The following CFAP410 variants were observed in gnomAD, a reference collection of about 807,000 sequenced individuals.
The protein encoded by CFAP410 is cilia and flagella associated protein 410, also known as cilia- and flagella-associated protein 410.
CFAP410 carries 27 observed loss-of-function variants against 25.7 expected under a neutral mutation model. The observed-to-expected ratio is 1.05, with a 90% CI of 0.77 to 1.45. The LOEUF (loss-of-function observed/expected upper bound fraction) is 1.45, where lower values mean the gene tolerates loss of function less well. Among genes scored for constraint, CFAP410 ranks in the 40% most tolerant of loss-of-function variants. CFAP410 has a pLI of 0.00. For synonymous variants in CFAP410, 178 were observed against 158.4 expected (o/e 1.12, Z -0.93); for missense variants, 428 against 354.1 (o/e 1.21, Z -1.67).
chr21:44,339,066 G>A, intron 1 of CFAP410, 52 bp downstream of exon 1: 1 of 1,091,490 alleles, frequency 9.2e-7, no homozygotes, highest in South Asian at 2.0e-5. Flanking sequence ...CCCTCGCCCC[G>A]CCCCGGCTCC....
intron 3 of CFAP410, chr21:44,333,638 A>G (rs1312694508): frequency 3.0e-6 from 1 of 336,350 alleles, no homozygotes; most frequent in East Asian, 5.8e-5. Flanking sequence ...GCGGCCAGAA[A>G]AACTCATGGC....
At position 44,330,018 on chromosome 21, in the gene CFAP410, C is replaced by G; in HGVS notation, c.*180G>C. 1 of 652,914 alleles carries G rather than the reference C, an allele frequency of 1.5e-6. No homozygotes were observed. The highest frequency in any genetic ancestry group is 1.8e-5 in the African/African-American group (1 of 55,074). 40.4% of individuals were successfully genotyped at this position (652,914 alleles called of 1,614,324 possible). ...GGACAGGACTGGTGTAGACAGGCAT[C>G]TCCACCGCCCCGGTTAGCCAGTACC... is the stretch of plus-strand genomic sequence containing the variant. On this transcript the variant is annotated 3_prime_UTR_variant, in exon 7 of 7. Transcript: ENST00000339818.
intron 5 of CFAP410, 144 bp downstream of exon 5, chr21:44,331,699 G>T: frequency 1.3e-6 from 1 of 745,488 alleles, no homozygotes; most frequent in Non-Finnish European, 2.1e-6. Context: ...CAGAGAATAT[G>T]GATGAGAACA....
At chr21:44,333,896 C>G in intron 3 of CFAP410, 1 of 357,574 alleles carries the variant, frequency 2.8e-6, no homozygotes, top group South Asian at 2.1e-5. Flanking sequence ...AGCCAGGGCC[C>G]CCTGCCTGGA....
intron 1 of CFAP410, 31 bp from the exon 2 acceptor site, chr21:44,337,698 T>C (rs1157841649): frequency 8.8e-6 from 14 of 1,595,580 alleles, no homozygotes; most frequent in Non-Finnish European, 1.2e-5. Flanking sequence ...TACTTTAATT[T>C]TGTTAAAGTT....
chr21:44,334,882 G>A (rs2047724114), intron 3 of CFAP410: 1 of 159,064 alleles, frequency 6.3e-6, no homozygotes, highest in African/African-American at 2.4e-5. Context: ...CAACCTCAGA[G>A]GGCATTACGG....
intron 1 of CFAP410, among the ~76,000 whole-genome samples, 142 bp downstream of exon 1, chr21:44,338,963 CCCGGCTCCTCCCT>C (rs1353378524): frequency 2.5e-5 from 2 of 80,330 alleles, no homozygotes; most frequent in African/African-American, 6.3e-5. Flanking sequence ...CTCTCCCCGC[CCCGGCTCCTCCCT>C]CCGGCTCCGC....
At chr21:44,335,293 C>T (rs186780161) in intron 3 of CFAP410, 120 of 170,288 alleles carry the variant, frequency 7.0e-4, no homozygotes, top group African/African-American at 2.6e-3. Flanking sequence ...CCCCAGAAGA[C>T]GGGCACAGGT....
intron 3 of CFAP410, chr21:44,335,465 G>T: frequency 2.0e-6 from 1 of 487,984 alleles, no homozygotes; most frequent in Non-Finnish European, 3.7e-6. Context: ...AGTGAACACA[G>T]CAATGGCTTA....
chr21:44,332,048 G>A (rs1286380535), intron 4 of CFAP410, 34 bp from the exon 5 acceptor site: 1 of 1,566,214 alleles, frequency 6.4e-7, no homozygotes, highest in South Asian at 1.2e-5. Flanking sequence ...AGCATGAGTG[G>A]CCTCACCCAC....
In CFAP410 at chr21:44,333,126, G is replaced by A; in HGVS notation, c.280C>T (p.Leu94=). The A allele has an allele frequency of 6.2e-7, 1 of 1,611,884 alleles. No homozygotes were observed. The highest frequency in any genetic ancestry group is 8.5e-7 in the Non-Finnish European group (1 of 1,179,610). Residue 94 remains leucine, a synonymous_variant, in exon 4 of 7, where the codon CTG becomes TTG. Coordinates refer to ENST00000339818, the MANE Select transcript of CFAP410 (RefSeq NM_004928.3). ...GTGCCGCAGCACGGGTTCTCGGCCAGCCACAGCACCCGCAGACGCGGCAGC... is the reference window on the plus strand; with the variant it reads ...GTGCCGCAGCACGGGTTCTCGGCCAACCACAGCACCCGCAGACGCGGCAGC... ...KGLPRLRVLW[L]AENPCCGTSP...
In CFAP410 at chr21:44,330,830, C is replaced by T. The variant is rs62000360; in HGVS notation, c.635G>A (p.Arg212Lys). 6,677 of 1,601,686 alleles carry T rather than the reference C, an allele frequency of 4.2e-3. 256 individuals carry two copies. In the African/African-American group the frequency reaches 0.076, roughly 18 times the overall value. Residue 212 changes from arginine (R) to lysine (K), a missense_variant, in exon 6 of 7, where the codon AGG becomes AAG. Coordinates refer to ENST00000339818, the MANE Select transcript of CFAP410 (RefSeq NM_004928.3). ...LSARDASSSH[R>K]GRNVLTAILL... ...TAGCGGCCCGCCACTCACCCTGCCC[C>T]TGTGGCTGCTCGAGGCATCCCTGGC...
rs780887106 is a variant in CFAP410 at position 44,333,105 on chromosome 21, C to T, written c.301G>A (p.Gly101Ser). ...VLWLAENPCC[G>S]TSPHRYRMTV... ...ATGCGGTAGCGGTGGGGGCTGGTGC[C>T]GCAGCACGGGTTCTCGGCCAGCCAC... Residue 101 changes from glycine (G) to serine (S), a missense_variant, in exon 4 of 7, where the codon GGC (glycine) becomes AGC (serine). Coordinates refer to ENST00000339818, the MANE Select transcript of CFAP410 (RefSeq NM_004928.3). The T allele has an allele frequency of 8.7e-6, 14 of 1,609,998 alleles. No homozygotes were observed. Among genetic ancestry groups the T allele is most frequent in the Admixed American group, 1.7e-5 (1 of 59,790 alleles).
intron 6 of CFAP410, 58 bp downstream of exon 6, chr21:44,330,765 C>G: frequency 6.4e-7 from 1 of 1,553,700 alleles, no homozygotes; most frequent in Non-Finnish European, 8.7e-7. Flanking sequence ...CCCACGGTTT[C>G]TGTGCAGTGG....
intron 3 of CFAP410, chr21:44,334,518 C>CCCCCCCTCAACCTCTGGGCGGGCCCGCG: frequency 7.9e-6 from 1 of 125,964 alleles, no homozygotes; most frequent in Non-Finnish European, 1.7e-5. Context: ...GGCACGCGCA[C>CCCCCCCTCAACCTCTGGGCGGGCCCGCG]CCCCCCCCCC....
At position 44,330,026 on chromosome 21, in the gene CFAP410, C is replaced by A; in HGVS notation, c.*172G>T. On this transcript the variant is annotated 3_prime_UTR_variant, in exon 7 of 7. Transcript: ENST00000339818. ...CTGGTGTAGACAGGCATCTCCACCG[C>A]CCCGGTTAGCCAGTACCTAACACCC... The A allele has an allele frequency of 1.5e-6, 1 of 683,368 alleles. No homozygotes were observed. The highest frequency in any genetic ancestry group is 2.4e-6 in the Non-Finnish European group (1 of 410,420). The allele number at this position is 683,368 out of a possible 1,614,324, so 42.3% of individuals were successfully genotyped here.
rs989478335 is a variant in CFAP410 at position 44,339,106 on chromosome 21, G to A, written c.77+12C>T. 4.8e-6 allele frequency: 7 copies of A among 1,443,322 alleles called. No individual in the cohort carries two copies. The highest frequency in any genetic ancestry group is 2.6e-5 in the Admixed American group (1 of 38,228). The allele number at this position is 1,443,322 out of a possible 1,614,324, so 89.4% of individuals were successfully genotyped here. On this transcript the variant is annotated intron_variant, in intron 1 of 6. Transcript: ENST00000339818. ...CCCACCCCGGGGCGGCCGCGGCCAGGCCCCGCCTCACCAGCAGTTGAGCTT... is the reference window on the plus strand; with the variant it reads ...CCCACCCCGGGGCGGCCGCGGCCAGACCCCGCCTCACCAGCAGTTGAGCTT...
At chr21:44,331,397 G>A in intron 5 of CFAP410, 1 of 244,422 alleles carries the variant, frequency 4.1e-6, no homozygotes, top group South Asian at 6.8e-5. Context: ...CAACTGCCCT[G>A]GGAGGCGCCG....
intron 6 of CFAP410, 55 bp downstream of exon 6, chr21:44,330,768 T>C (rs1274620997): frequency 1.9e-6 from 3 of 1,551,256 alleles, no homozygotes; most frequent in Non-Finnish European, 2.6e-6. Flanking sequence ...ACGGTTTCTG[T>C]GCAGTGGGTG....
Sources: gnomAD v4.1 joint callset for allele counts (sites outside exome capture counted in the v4.1 genomes callset) on GRCh38, gnomAD v4.1.1 for gene constraint, MANE v1.5 for transcripts, NCBI Gene and HGNC (gene_info 2026-07-23, HGNC 2026-07-21) for gene names.